ZNF385D: variants seen among roughly 807,000 people sequenced by gnomAD.
ZNF385D encodes the protein zinc finger protein 385D.
In ZNF385D, 15 loss-of-function variants were observed where a neutral mutation model predicts 35.8. The ratio of observed to expected loss-of-function variants is 0.42; its 90% CI spans 0.28 to 0.64. The LOEUF (loss-of-function observed/expected upper bound fraction) is 0.64. Among genes scored for constraint, ZNF385D ranks in the 30% least tolerant of loss-of-function variants. The pLI is 0.23. For synonymous variants in ZNF385D, 212 were observed against 186.8 expected (o/e 1.13, Z -1.10); for missense variants, 474 against 494.6 (o/e 0.96, Z 0.39).
chr3:21,983,159 A>T (rs887951075), intron 3 of ZNF385D, among the ~76,000 whole-genome samples: 1 of 100,840 alleles, frequency 9.9e-6, no homozygotes, highest in African/African-American at 3.0e-5. Context: ...ATTTTATTTT[A>T]TTTTATTATT....
intron 3 of ZNF385D, among the ~76,000 whole-genome samples, chr3:21,832,123 A>G (rs918207154): frequency 6.6e-6 from 1 of 152,122 alleles, no homozygotes; most frequent in African/African-American, 2.4e-5. Context: ...TAAAGTTCAT[A>G]TTTTTTAAAT....
intron 5 of ZNF385D, among the ~76,000 whole-genome samples, chr3:21,429,065 A>G (rs1038732263): frequency 7.3e-5 from 11 of 151,500 alleles, no homozygotes; most frequent in African/African-American, 2.4e-4. Context: ...CATTCTTACA[A>G]TTCCTCTTTT....
At chr3:21,771,578 C>T (rs879718578) in intron 3 of ZNF385D, among the ~76,000 whole-genome samples, 2 of 151,312 alleles carry the variant, frequency 1.3e-5, no homozygotes, top group Non-Finnish European at 2.9e-5. Context: ...TAAAGATGCT[C>T]GAACAGTTGA....
At position 21,423,979 on chromosome 3, in the gene ZNF385D, GTC is replaced by G; in HGVS notation, c.936_937del (p.Lys312AsnfsTer88). 6.2e-7 allele frequency: 1 copy of G among 1,608,710 alleles called. No individual in the cohort carries two copies. Among genetic ancestry groups the G allele is most frequent in the Non-Finnish European group, 8.5e-7 (1 of 1,178,318 alleles). ...GACACTCACCCCCAGTGGATGTGCT[GTC>G]TTCTGTAGTTTGTTGTAAGGACTGT... is the stretch of plus-strand genomic sequence containing the variant. On this transcript the variant is annotated frameshift_variant, in exon 7 of 8. Coordinates refer to ENST00000281523, the MANE Select transcript of ZNF385D (RefSeq NM_024697.3). LOFTEE classifies it high-confidence loss of function.
chr3:21,506,535 A>G (rs1449261719), intron 4 of ZNF385D, among the ~76,000 whole-genome samples: 1 of 152,202 alleles, frequency 6.6e-6, no homozygotes, highest in African/African-American at 2.4e-5. Flanking sequence ...CATTTCATAG[A>G]AGAACAAACA....
chr3:21,944,977 C>G (rs569572333), intron 3 of ZNF385D, among the ~76,000 whole-genome samples: 1 of 151,956 alleles, frequency 6.6e-6, no homozygotes, highest in Non-Finnish European at 1.5e-5. Context: ...TACAAATTCC[C>G]TATCAATATG....
At chr3:21,721,723 C>T (rs989606707) in intron 1 of ZNF385D, among the ~76,000 whole-genome samples, 3 of 152,154 alleles carry the variant, frequency 2.0e-5, no homozygotes, top group African/African-American at 7.2e-5. Context: ...AAAGCCTCTC[C>T]ACTTTATTTT....
At chr3:22,345,733 G>A (rs1459242217) in intron 2 of ZNF385D, among the ~76,000 whole-genome samples, 1 of 152,192 alleles carries the variant, frequency 6.6e-6, no homozygotes, top group Admixed American at 6.5e-5. Context: ...GCTTCTAGAA[G>A]TGCTACTGGC....
chr3:21,662,722 G>A (rs1263488939), intron 2 of ZNF385D, among the ~76,000 whole-genome samples: 1 of 152,136 alleles, frequency 6.6e-6, no homozygotes, highest in Non-Finnish European at 1.5e-5. Context: ...GAGCAACAGA[G>A]GGCCTCTTGG....
At chr3:21,973,057 C>A (rs1274688079) in intron 3 of ZNF385D, among the ~76,000 whole-genome samples, 1 of 151,938 alleles carries the variant, frequency 6.6e-6, no homozygotes, top group Non-Finnish European at 1.5e-5. Context: ...TACTTCCAAA[C>A]TCATTCTATG....
At chr3:22,109,194 G>C (rs187402443) in intron 3 of ZNF385D, among the ~76,000 whole-genome samples, 2 of 152,132 alleles carry the variant, frequency 1.3e-5, no homozygotes, top group Non-Finnish European at 2.9e-5. Context: ...CTTGCTGATG[G>C]CAGGCCATTT....
intron 3 of ZNF385D, among the ~76,000 whole-genome samples, chr3:21,890,038 C>G (rs1320164618): frequency 6.6e-6 from 1 of 152,136 alleles, no homozygotes; most frequent in Non-Finnish European, 1.5e-5. Context: ...TTCATTTTAA[C>G]TTGATTACCA....
intron 2 of ZNF385D, among the ~76,000 whole-genome samples, chr3:22,227,170 A>G (rs2125290678): frequency 6.6e-6 from 1 of 151,438 alleles, no homozygotes; most frequent in Middle Eastern, 3.4e-3. Flanking sequence ...GTGTGTATAT[A>G]TATGTGTATG....
At chr3:22,112,000 A>T (rs1227369530) in intron 3 of ZNF385D, among the ~76,000 whole-genome samples, 4 of 152,124 alleles carry the variant, frequency 2.6e-5, no homozygotes, top group Non-Finnish European at 5.9e-5. Context: ...TAATATGCAT[A>T]AATTAATCAG....
intron 3 of ZNF385D, among the ~76,000 whole-genome samples, chr3:22,030,934 T>C (rs1283272203): frequency 5.3e-5 from 8 of 152,172 alleles, no homozygotes; most frequent in African/African-American, 1.7e-4. Flanking sequence ...ATGAAAGAGA[T>C]TGGTCAAAAC....
At chr3:22,222,487 T>C (rs1250232510) in intron 2 of ZNF385D, among the ~76,000 whole-genome samples, 1 of 152,120 alleles carries the variant, frequency 6.6e-6, no homozygotes, top group Non-Finnish European at 1.5e-5. Flanking sequence ...TCTTCATATA[T>C]CTACAAAAGG....
chr3:22,226,164 T>C (rs1698546074), intron 2 of ZNF385D, among the ~76,000 whole-genome samples: 1 of 152,158 alleles, frequency 6.6e-6, no homozygotes, highest in African/African-American at 2.4e-5. Context: ...TCATTTTATA[T>C]CAATGTTTCC....
At chr3:21,509,662 A>G (rs900894525) in intron 4 of ZNF385D, among the ~76,000 whole-genome samples, 1 of 152,148 alleles carries the variant, frequency 6.6e-6, no homozygotes, top group African/African-American at 2.4e-5. Flanking sequence ...CAGTCATTCA[A>G]CAGACATTTT....
intron 2 of ZNF385D, among the ~76,000 whole-genome samples, chr3:21,598,706 G>T (rs1009880234): frequency 6.6e-6 from 1 of 152,128 alleles, no homozygotes; most frequent in Non-Finnish European, 1.5e-5. Context: ...TAGGTACTGT[G>T]ACTTAAATAA....
Sources: gnomAD v4.1 joint callset for allele counts (sites outside exome capture counted in the v4.1 genomes callset) on GRCh38, gnomAD v4.1.1 for gene constraint, MANE v1.5 for transcripts, NCBI Gene and HGNC (gene_info 2026-07-23, HGNC 2026-07-21) for gene names.